The following TRIM22 variants were observed in gnomAD, a reference collection of about 807,000 sequenced individuals.
TRIM22 encodes the protein tripartite motif containing 22.
In TRIM22, 45 loss-of-function variants were observed where a neutral mutation model predicts 53.6. The ratio of observed to expected loss-of-function variants is 0.84; its 90% confidence interval spans 0.66 to 1.08. TRIM22 has a LOEUF of 1.08. TRIM22 is among the 50% of genes least tolerant of loss of function. TRIM22 has a pLI of 0.00. For synonymous variants in TRIM22, 225 were observed against 216.6 expected (o/e 1.04, Z -0.34); for missense variants, 616 against 590.9 (o/e 1.04, Z -0.44).
At chr11:5,707,669 G>A (rs1012571362) in intron 5 of TRIM22, among the ~76,000 whole-genome samples, 2 of 151,940 alleles carry the variant, frequency 1.3e-5, no homozygotes, top group East Asian at 1.9e-4. Flanking sequence ...AAAATTAGCT[G>A]GATGTGGTAG....
intron 4 of TRIM22, among the ~76,000 whole-genome samples, chr11:5,700,605 T>TTTTTTTTTTTTC (rs369811867): frequency 4.3e-5 from 4 of 92,944 alleles, no homozygotes; most frequent in African/African-American, 8.8e-5. Context: ...TTTTTTTTTT[T>TTTTTTTTTTTTC]CAGATTTGTA....
rs771983312 is a variant in TRIM22, at chr11:5,698,436, A to G, written c.641A>G (p.Asp214Gly). The G allele has an allele frequency of 3.7e-6, 6 of 1,614,108 alleles. No individual in the cohort carries two copies. The highest frequency in any genetic ancestry group is 2.7e-5 in the African/African-American group (2 of 74,936). ...KLEEGEVNVL[D>G]NLAAATDQLV... ...GAGGAAGGTGAGGTGAATGTGCTGGATAACCTGGCAGCAGCTACAGACCAG... is the reference window on the plus strand; with the variant it reads ...GAGGAAGGTGAGGTGAATGTGCTGGGTAACCTGGCAGCAGCTACAGACCAG... Residue 214 changes from aspartate to glycine, a missense_variant, in exon 4 of 8, where the codon GAT becomes GGT. Asp to Gly is a moderately conservative substitution (Grantham distance 94). Coordinates refer to ENST00000379965, the MANE Select transcript of TRIM22 (RefSeq NM_006074.5).
chr11:5,691,491 G>A (rs577577537), intron 1 of TRIM22, among the ~76,000 whole-genome samples: 8 of 152,206 alleles, frequency 5.3e-5, no homozygotes, highest in Non-Finnish European at 1.2e-4. Context: ...GTGGCCCCGG[G>A]CTGTCTGCTT....
At chr11:5,697,502 AG>A in intron 3 of TRIM22, 159 bp downstream of exon 3, 1 of 547,386 alleles carries the variant, frequency 1.8e-6, no homozygotes. Context: ...GTTGGAGTTT[AG>A]GGGCTGGAGA....
At chr11:5,708,862 G>A (rs1034417035) in intron 7 of TRIM22, among the ~76,000 whole-genome samples, 191 bp from the exon 8 acceptor site, 7 of 152,046 alleles carry the variant, frequency 4.6e-5, no homozygotes, top group African/African-American at 1.4e-4. Flanking sequence ...GATTACAGGC[G>A]TGTGCCACCA....
At chr11:5,702,204 T>C (rs1423085000) in intron 4 of TRIM22, among the ~76,000 whole-genome samples, 1 of 145,218 alleles carries the variant, frequency 6.9e-6, no homozygotes, top group South Asian at 2.1e-4. Flanking sequence ...TTATATATTA[T>C]ATATACATAA....
intron 4 of TRIM22, among the ~76,000 whole-genome samples, chr11:5,701,993 A>G (rs574515512): frequency 1.9e-4 from 28 of 149,632 alleles, no homozygotes; most frequent in Non-Finnish European, 3.6e-4. Flanking sequence ...ACTATTTTGT[A>G]TTATTCAATT....
rs1215657431 is a variant in TRIM22, at chr11:5,709,136, T to G, written c.985T>G (p.Cys329Gly). ...GAGACAAGTGAAAACTGTACGCACC[T>G]GCACATTTAAGAATTCAAATCCATG... ...DQRQVKTVRT[C>G]TFKNSNPCDF... The change falls in exon 8 of 8, where the codon TGC becomes GGC. Residue 329 changes from cysteine to glycine, a missense_variant. By Grantham distance (159) the Cys-to-Gly change is radical. Coordinates refer to ENST00000379965, the MANE Select transcript of TRIM22 (RefSeq NM_006074.5). 1 of 1,614,090 alleles carries G rather than the reference T, an allele frequency of 6.2e-7. No homozygotes were observed. The highest frequency in any genetic ancestry group is 8.5e-7 in the Non-Finnish European group (1 of 1,180,044).
At position 5,698,466 on chromosome 11, in the gene TRIM22, T is replaced by A; in HGVS notation, c.671T>A (p.Val224Asp). The A allele has an allele frequency of 6.2e-7, 1 of 1,614,056 alleles. No homozygotes were observed. The highest frequency in any genetic ancestry group is 1.3e-5 in the African/African-American group (1 of 75,020). Residue 224 changes from valine to aspartate, a missense_variant, in exon 4 of 8, where the codon GTC (valine) becomes GAC (aspartate). Transcript: ENST00000379965. ...CTGGCAGCAGCTACAGACCAGCTGGTCCAGCAGAGGCAGGATGCCAGCACG... is the reference window on the plus strand; with the variant it reads ...CTGGCAGCAGCTACAGACCAGCTGGACCAGCAGAGGCAGGATGCCAGCACG... Reference protein sequence around the residue: ...DNLAAATDQLVQQRQDASTLI... With the variant: ...DNLAAATDQLDQQRQDASTLI...
chr11:5,710,319 C>G lies in TRIM22; in HGVS notation c.*671C>G, dbSNP rs1462945163. The G allele has an allele frequency of 1.3e-5, 2 of 152,098 alleles. No individual in the cohort carries two copies. Among genetic ancestry groups the G allele is most frequent in the Non-Finnish European group, 1.5e-5 (1 of 68,010 alleles). The allele number at this position is 152,098 out of a possible 1,614,324, so 9.4% of individuals were successfully genotyped here. A position where few individuals can be genotyped will look rare whatever the true frequency, so the allele number is the denominator to read the frequency against. ...TATCTAATCCTTCCTATAGAAAGAACAGTATTGCTGTAATTCCTTTTCTTT... is the reference window on the plus strand; with the variant it reads ...TATCTAATCCTTCCTATAGAAAGAAGAGTATTGCTGTAATTCCTTTTCTTT... On this transcript the variant is annotated 3_prime_UTR_variant, in exon 8 of 8. Transcript: ENST00000379965.
At chr11:5,704,572 A>T (rs560359119) in intron 4 of TRIM22, among the ~76,000 whole-genome samples, 2 of 152,278 alleles carry the variant, frequency 1.3e-5, no homozygotes, top group East Asian at 3.9e-4. Flanking sequence ...CATTCTGTAG[A>T]TTGCCTTTTC....
At chr11:5,708,827 C>T (rs1181794907) in intron 7 of TRIM22, among the ~76,000 whole-genome samples, 1 of 151,876 alleles carries the variant, frequency 6.6e-6, no homozygotes, top group Non-Finnish European at 1.5e-5. Context: ...AGCGATTCTG[C>T]TGCCTCAGCC....
intron 1 of TRIM22, among the ~76,000 whole-genome samples, chr11:5,693,721 C>CAAAAAAAAA (rs60530986): frequency 4.6e-5 from 4 of 87,438 alleles, no homozygotes; most frequent in Non-Finnish European, 6.2e-5. Flanking sequence ...GACTCCGTCT[C>CAAAAAAAAA]AAAAAAAAAA....
At chr11:5,697,495 G>T in intron 3 of TRIM22, 152 bp downstream of exon 3, 1 of 549,536 alleles carries the variant, frequency 1.8e-6, no homozygotes, top group South Asian at 2.9e-5. Flanking sequence ...CTTCCCTGTT[G>T]GAGTTTAGGG....
rs1402097699 is a variant in TRIM22 at position 5,710,019 on chromosome 11, A to T, written c.*371A>T. On this transcript the variant is annotated 3_prime_UTR_variant, in exon 8 of 8. Coordinates refer to ENST00000379965, the MANE Select transcript of TRIM22 (RefSeq NM_006074.5). ...CTCTGTGCCCAAGTTTTCCCTTTTT[A>T]TTAAGACACCAGTCATACTGGCTCA... 1.6e-5 allele frequency: 3 copies of T among 190,540 alleles called. No homozygotes were observed. Among genetic ancestry groups the T allele is most frequent in the Non-Finnish European group, 3.3e-5 (3 of 91,842 alleles). 11.8% of individuals were successfully genotyped at this position (190,540 alleles called of 1,614,324 possible).
At chr11:5,707,384 A>G (rs548231243) in intron 5 of TRIM22, among the ~76,000 whole-genome samples, 8 of 152,322 alleles carry the variant, frequency 5.3e-5, no homozygotes, top group African/African-American at 1.7e-4. Flanking sequence ...CTCAGGAGAC[A>G]GATTCTATGG....
chr11:5,692,084 A>G (rs760676449), intron 1 of TRIM22, among the ~76,000 whole-genome samples: 1 of 152,256 alleles, frequency 6.6e-6, no homozygotes, highest in Non-Finnish European at 1.5e-5. Flanking sequence ...GTAAGAGATT[A>G]TGCTCTGGAC....
chr11:5,702,635 T>G (rs773082440), intron 4 of TRIM22, among the ~76,000 whole-genome samples: 2 of 151,988 alleles, frequency 1.3e-5, no homozygotes, highest in Non-Finnish European at 2.9e-5. Flanking sequence ...TTGCTGTCAT[T>G]CATTTCACTT....
chr11:5,708,082 G>T, intron 5 of TRIM22, 91 bp from the exon 6 acceptor site: 1 of 1,057,400 alleles, frequency 9.5e-7, no homozygotes, highest in Admixed American at 1.8e-5. Flanking sequence ...AAGTGCGTCA[G>T]CAAGTATGGT....
Sources: gnomAD v4.1 joint callset for allele counts (sites outside exome capture counted in the v4.1 genomes callset) on GRCh38, gnomAD v4.1.1 for gene constraint, MANE v1.5 for transcripts, NCBI Gene and HGNC (gene_info 2026-07-23, HGNC 2026-07-21) for gene names.